Variants in TOR1AIP1 observed in about 807,000 individuals in gnomAD.
TOR1AIP1 encodes torsin-1A-interacting protein 1.
TOR1AIP1 carries 54 observed loss-of-function variants against 63.3 expected under a neutral mutation model. That is an observed-to-expected ratio of 0.85 (90% CI 0.69 to 1.07). The LOEUF is 1.07. TOR1AIP1 is among the 50% of genes least tolerant of loss of function. TOR1AIP1 has a pLI of 0.00. For missense variants in TOR1AIP1, 736 were observed against 715.0 expected (o/e 1.03, Z -0.33); for synonymous variants, 294 against 273.5 (o/e 1.07, Z -0.74).
At chr1:179,896,007 CAA>C (rs149644543) in intron 3 of TOR1AIP1, among the ~76,000 whole-genome samples, 50,806 of 151,848 alleles carry the variant, frequency 0.33, 8,735 homozygotes, top group African/African-American at 0.38. Flanking sequence ...AGGTGAAAAA[CAA>C]AAGAGGGAAA....
chr1:179,883,109 C>T (rs1647791887), intron 1 of TOR1AIP1, 132 bp downstream of exon 1: 4 of 849,532 alleles, frequency 4.7e-6, no homozygotes, highest in Non-Finnish European at 5.4e-6. Context: ...CCTCAGCCCC[C>T]TCTGGACTTG....
Position 179,908,660 on chromosome 1 carries a change from G to A in TOR1AIP1, c.894G>A (p.Arg298=), listed in dbSNP as rs1648730315. The A allele has an allele frequency of 2.5e-6, 4 of 1,613,340 alleles. No homozygotes were observed. Among genetic ancestry groups the A allele is most frequent in the Non-Finnish European group, 3.4e-6 (4 of 1,179,496 alleles). ...GGGCCCCACAAACTGCAAGAATAAGGACCAGGATGCAAAGTAAGTAGATAA... is the reference window on the plus strand; with the variant it reads ...GGGCCCCACAAACTGCAAGAATAAGAACCAGGATGCAAAGTAAGTAGATAA... ...QEWAPQTARI[R]TRMQNDSILK... Residue 298 remains arginine (R), a synonymous_variant, in exon 8 of 10, where the codon AGG becomes AGA. Coordinates refer to ENST00000606911, the MANE Select transcript of TOR1AIP1 (RefSeq NM_015602.4).
At position 179,908,614 on chromosome 1, in the gene TOR1AIP1, A is replaced by G. The variant is rs770448982; in HGVS notation, c.848A>G (p.Tyr283Cys). The G allele has an allele frequency of 9.9e-6, 16 of 1,613,478 alleles. No homozygotes were observed. The South Asian group carries it at 1.6e-4, about 17-fold the overall frequency. ...DKQPSVLSSG[Y>C]QKTPQEWAPQ... Reference sequence around the variant, plus strand: ...TATGTATTTGCTTCAGGCTCAGGATATCAAAAAACTCCCCAGGAATGGGCC... The same window carrying G: ...TATGTATTTGCTTCAGGCTCAGGATGTCAAAAAACTCCCCAGGAATGGGCC... Residue 283 changes from tyrosine to cysteine, a missense_variant, in exon 8 of 10, where the codon TAT (tyrosine) becomes TGT (cysteine). Around this residue, in one of 2 missense-constraint regions of TOR1AIP1, gnomAD observed 464 missense variants for 371.0 expected, o/e 1.25. Coordinates refer to ENST00000606911, the MANE Select transcript of TOR1AIP1 (RefSeq NM_015602.4).
chr1:179,919,422 T>G lies in TOR1AIP1; in HGVS notation c.*1183T>G, dbSNP rs1287871754. The G allele has an allele frequency of 6.6e-6, 1 of 152,248 alleles. No individual in the cohort carries two copies. Among genetic ancestry groups the G allele is most frequent in the African/African-American group, 2.4e-5 (1 of 41,470 alleles). 9.4% of individuals were successfully genotyped at this position (152,248 alleles called of 1,614,324 possible). On this transcript the variant is annotated 3_prime_UTR_variant, in exon 10 of 10. Transcript: ENST00000606911. ...AGATTTCATTTTCCGCGCATCCACT[T>G]GTTGCAGTCCAAGTCCTCTAGTGCA...
intron 5 of TOR1AIP1, 91 bp downstream of exon 5, chr1:179,901,479 TA>T (rs1648463851): frequency 3.2e-6 from 2 of 624,270 alleles, no homozygotes; most frequent in South Asian, 9.5e-5. Flanking sequence ...TTCAAATTTT[TA>T]TTAATACTTT....
chr1:179,882,561 C>T lies in TOR1AIP1; in HGVS notation c.59C>T (p.Thr20Ile), dbSNP rs1433733726. The T allele has an allele frequency of 6.6e-7, 1 of 1,509,170 alleles. No individual in the cohort carries two copies. Among genetic ancestry groups the T allele is most frequent in the African/African-American group, 1.4e-5 (1 of 71,502 alleles). The allele number at this position is 1,509,170 out of a possible 1,614,324, so 93.5% of individuals were successfully genotyped here. A position where few individuals can be genotyped will look rare whatever the true frequency, so the allele number is the denominator to read the frequency against. The change falls in exon 1 of 10, where the codon ACC becomes ATC. Residue 20 changes from threonine (T) to isoleucine (I), a missense_variant. Physicochemically the swap from Thr to Ile is moderately conservative, Grantham distance 89 (BLOSUM62 -1). Transcript: ENST00000606911. The stretch of plus-strand genomic sequence containing the variant: ...CGGGAAGGATGGGGTGTGTACGTCA[C>T]CCCCAGGGCCCCCATCCGAGAGGGA... ...AVREGWGVYV[T>I]PRAPIREGRG...
rs1649142330 is a variant in TOR1AIP1 at position 179,919,809 on chromosome 1, C to T, written c.*1570C>T. The T allele has an allele frequency of 6.6e-6, 1 of 152,080 alleles. No individual in the cohort carries two copies. Among genetic ancestry groups the T allele is most frequent in the African/African-American group, 2.4e-5 (1 of 41,416 alleles). 9.4% of individuals were successfully genotyped at this position (152,080 alleles called of 1,614,324 possible). On this transcript the variant is annotated 3_prime_UTR_variant, in exon 10 of 10. Coordinates refer to ENST00000606911, the MANE Select transcript of TOR1AIP1 (RefSeq NM_015602.4). The stretch of plus-strand genomic sequence containing the variant: ...CTACCAGTATTCATAAATGTATACC[C>T]CTTACTGTAATTTGTTCCTCTTAGA...
chr1:179,883,801 T>C (rs1478219182), intron 1 of TOR1AIP1: 1 of 403,456 alleles, frequency 2.5e-6, no homozygotes, highest in East Asian at 7.2e-5. Flanking sequence ...TGAATCAGTT[T>C]CCTTAATCTA....
chr1:179,884,607 T>C lies in TOR1AIP1; in HGVS notation c.476-85T>C, dbSNP rs1647858204. ...CGAATTTCTTGAATTTTTGCTTATG[T>C]ATTGTTACAAAAATGCATAATCTGT... On this transcript the variant is annotated intron_variant, in intron 1 of 9. Coordinates refer to ENST00000606911, the MANE Select transcript of TOR1AIP1 (RefSeq NM_015602.4). 1.9e-5 allele frequency: 22 copies of C among 1,148,892 alleles called. No homozygotes were observed. In the South Asian group the frequency reaches 3.3e-4, roughly 17 times the overall value. The allele number at this position is 1,148,892 out of a possible 1,614,324, so 71.2% of individuals were successfully genotyped here.
intron 2 of TOR1AIP1, among the ~76,000 whole-genome samples, chr1:179,886,882 T>A (rs1647923826): frequency 6.6e-6 from 1 of 151,900 alleles, no homozygotes; most frequent in Non-Finnish European, 1.5e-5. Flanking sequence ...GAAAGGAGAG[T>A]TTAGGGAATT....
chr1:179,904,030 A>G lies in TOR1AIP1; in HGVS notation c.796+8A>G, dbSNP rs1427984298. 1 of 1,602,428 alleles carries G rather than the reference A, an allele frequency of 6.2e-7. No individual in the cohort carries two copies. The highest frequency in any genetic ancestry group is 1.7e-5 in the Admixed American group (1 of 59,214). ...TTTGGCAGTCATCACAAAGTAAGTA[A>G]AGCTGTGTTTACAGTGTCTTCCTGT... On this transcript the variant is annotated splice_region_variant and intron_variant, in intron 6 of 9. Coordinates refer to ENST00000606911, the MANE Select transcript of TOR1AIP1 (RefSeq NM_015602.4).
rs1212335123 is a variant in TOR1AIP1, at chr1:179,903,953, T to A, written c.740-13T>A. 1 of 1,561,992 alleles carries A rather than the reference T, an allele frequency of 6.4e-7. No homozygotes were observed. Among genetic ancestry groups the A allele is most frequent in the Admixed American group, 1.7e-5 (1 of 57,856 alleles). Reference sequence around the variant, plus strand: ...TGGATATTATTTATAGTGTACTGTTTTTTATTTTTTAGATAAAACCACCAG... The same window carrying A: ...TGGATATTATTTATAGTGTACTGTTATTTATTTTTTAGATAAAACCACCAG... On this transcript the variant is annotated splice_polypyrimidine_tract_variant and intron_variant, in intron 5 of 9. Transcript: ENST00000606911.
intron 8 of TOR1AIP1, 116 bp downstream of exon 8, chr1:179,908,789 A>C: frequency 1.2e-6 from 1 of 837,146 alleles, no homozygotes. Context: ...TCACTAATAA[A>C]GTACAGCTAT....
chr1:179,902,866 T>C (rs1316029323), intron 5 of TOR1AIP1, among the ~76,000 whole-genome samples: 7 of 152,224 alleles, frequency 4.6e-5, no homozygotes, highest in Admixed American at 4.6e-4. Flanking sequence ...CTCTAAAAAT[T>C]AGAGGTTAAT....
chr1:179,915,192 A>C lies in TOR1AIP1; in HGVS notation c.964+1138A>C, dbSNP rs376485350. ...ATAGCCTCTTCAGATAATTGTGGCT[A>C]TTCTTTTTTGAACTCTCCAAAACTC... On this transcript the variant is annotated intron_variant, in intron 9 of 9. Coordinates refer to ENST00000606911, the MANE Select transcript of TOR1AIP1 (RefSeq NM_015602.4). 2.6e-5 allele frequency among the ~76,000 whole-genome samples: 4 copies of C among 152,306 alleles called. No homozygotes were observed. In the East Asian group the frequency reaches 7.7e-4, roughly 29 times the overall value.
At chr1:179,892,929 A>G (rs1648144728) in intron 3 of TOR1AIP1, among the ~76,000 whole-genome samples, 1 of 152,072 alleles carries the variant, frequency 6.6e-6, no homozygotes, top group Non-Finnish European at 1.5e-5. Context: ...ATTTTAAAGT[A>G]ATTTTCTGTG....
At chr1:179,901,938 C>T (rs892440540) in intron 5 of TOR1AIP1, among the ~76,000 whole-genome samples, 1 of 151,308 alleles carries the variant, frequency 6.6e-6, no homozygotes, top group Non-Finnish European at 1.5e-5. Context: ...AATTTGTAAA[C>T]TCTGTAAATA....
intron 9 of TOR1AIP1, among the ~76,000 whole-genome samples, chr1:179,914,363 A>G (rs1648926029): frequency 6.6e-6 from 1 of 152,246 alleles, no homozygotes; most frequent in African/African-American, 2.4e-5. Flanking sequence ...TAGCCAGAGC[A>G]TGACTTTATG....
chr1:179,918,876 G>A lies in TOR1AIP1; in HGVS notation c.*637G>A, dbSNP rs1649105778. The A allele has an allele frequency of 1.3e-5, 2 of 152,218 alleles. No individual in the cohort carries two copies. Among genetic ancestry groups the A allele is most frequent in the South Asian group, 2.1e-4 (1 of 4,832 alleles). 9.4% of individuals were successfully genotyped at this position (152,218 alleles called of 1,614,324 possible). ...GTAGTTTAGTCAAACATAGGTATAT[G>A]AACTGTTAATCTTGGTGGATTCCGT... is the stretch of plus-strand genomic sequence containing the variant. On this transcript the variant is annotated 3_prime_UTR_variant, in exon 10 of 10. Coordinates refer to ENST00000606911, the MANE Select transcript of TOR1AIP1 (RefSeq NM_015602.4).
Sources: gnomAD v4.1 joint callset for allele counts (sites outside exome capture counted in the v4.1 genomes callset) on GRCh38, gnomAD v4.1.1 for gene constraint, gnomAD v4.1.1 regional missense constraint, MANE v1.5 for transcripts, NCBI Gene and HGNC (gene_info 2026-07-23, HGNC 2026-07-21) for gene names.